AFDN: variants seen among roughly 807,000 people sequenced by gnomAD.
AFDN encodes the protein afadin.
In AFDN, 68 loss-of-function variants were observed where a neutral mutation model predicts 216.6. The observed-to-expected ratio is 0.31, with a 90% confidence interval of 0.26 to 0.38. AFDN has a LOEUF of 0.38. Ranked by LOEUF, AFDN falls within the 10% of genes least tolerant of loss-of-function variation. AFDN has a pLI of 1.00. For synonymous variants in AFDN, 868 were observed against 853.7 expected, an observed-to-expected ratio of 1.02 and a Z score of -0.29; for missense variants, 2,136 against 2,342.0, an observed-to-expected ratio of 0.91 and a Z score of 1.82.
intron 30 of AFDN, among the ~76,000 whole-genome samples, chr6:167,961,481 A>G (rs1562346985): frequency 1.3e-5 from 2 of 152,232 alleles, no homozygotes. Context: ...GGTATTTTCA[A>G]CCTATAGTGC....
intron 19 of AFDN, among the ~76,000 whole-genome samples, chr6:167,915,879 A>T (rs182272494): frequency 5.9e-5 from 9 of 152,358 alleles, no homozygotes; most frequent in Non-Finnish European, 8.8e-5. Flanking sequence ...CAAATTTCAT[A>T]TTTAGACTTG....
intron 1 of AFDN, among the ~76,000 whole-genome samples, chr6:167,861,525 C>G (rs1187642778): frequency 6.6e-6 from 1 of 152,082 alleles, no homozygotes; most frequent in East Asian, 1.9e-4. Context: ...AGGTAAGTAG[C>G]TGGGCCACAT....
chr6:167,827,773 G>A (rs1244968378), intron 1 of AFDN: 1 of 152,156 alleles, frequency 6.6e-6, no homozygotes, highest in East Asian at 1.9e-4. Flanking sequence ...GCTGCCTGAT[G>A]GCACAGGCCC....
chr6:167,944,256 C>T (rs1481059918), intron 26 of AFDN, among the ~76,000 whole-genome samples, 197 bp downstream of exon 26: 1 of 152,162 alleles, frequency 6.6e-6, no homozygotes, highest in Non-Finnish European at 1.5e-5. Context: ...CTGTGAGTCA[C>T]CAGGACCCCT....
At chr6:167,932,493 A>T (rs1054513773) in intron 23 of AFDN, 6 of 152,184 alleles carry the variant, frequency 3.9e-5, no homozygotes, top group African/African-American at 9.7e-5. Flanking sequence ...AGTCTTTTTA[A>T]AGTTTAAAAG....
chr6:167,948,954 G>C (rs776889480), intron 29 of AFDN, among the ~76,000 whole-genome samples: 9 of 152,246 alleles, frequency 5.9e-5, no homozygotes, highest in African/African-American at 1.2e-4. Context: ...GGCCTTCCAG[G>C]AGGAGGGAAA....
chr6:167,965,111 G>A (rs2128757331), intron 31 of AFDN: 2 of 1,002,744 alleles, frequency 2.0e-6, no homozygotes, highest in Admixed American at 1.2e-4. Context: ...ACTATGGAAA[G>A]CATATTTGTT....
At chr6:167,925,152 T>C (rs1440593083) in intron 23 of AFDN, 61 bp downstream of exon 23, 1 of 1,217,540 alleles carries the variant, frequency 8.2e-7, no homozygotes. Flanking sequence ...AATCAGTGGT[T>C]GTCAGAGTGG....
intron 1 of AFDN, among the ~76,000 whole-genome samples, chr6:167,859,088 T>TTTC (rs1336263619): frequency 6.6e-6 from 1 of 151,378 alleles, no homozygotes; most frequent in Non-Finnish European, 1.5e-5. Context: ...TTTTTTTTTT[T>TTTC]TTCTTTTTCA....
At chr6:167,878,884 G>A (rs759185436) in intron 5 of AFDN, among the ~76,000 whole-genome samples, 2 of 152,154 alleles carry the variant, frequency 1.3e-5, no homozygotes, top group African/African-American at 2.4e-5. Context: ...CTTCTGTCTG[G>A]TTGTTCAGGT....
chr6:167,930,724 C>G (rs1302498608), intron 23 of AFDN, among the ~76,000 whole-genome samples: 1 of 152,152 alleles, frequency 6.6e-6, no homozygotes, highest in Non-Finnish European at 1.5e-5. Context: ...TCATGGCAGC[C>G]ACAGGGCAGT....
At chr6:167,890,084 A>T (rs1048845807) in intron 7 of AFDN, among the ~76,000 whole-genome samples, 1 of 152,228 alleles carries the variant, frequency 6.6e-6, no homozygotes, top group African/African-American at 2.4e-5. Flanking sequence ...AATTCACATC[A>T]TAAGTTAACT....
intron 3 of AFDN, among the ~76,000 whole-genome samples, chr6:167,871,532 T>G (rs1029348249): frequency 2.6e-5 from 4 of 152,222 alleles, no homozygotes; most frequent in African/African-American, 9.7e-5. Context: ...CCCATCACAA[T>G]AGCCATTCTT....
At chr6:167,835,715 A>G (rs1456863829) in intron 1 of AFDN, among the ~76,000 whole-genome samples, 1 of 152,224 alleles carries the variant, frequency 6.6e-6, no homozygotes, top group Non-Finnish European at 1.5e-5. Flanking sequence ...TGCTTTGACC[A>G]TTCATGCAAA....
chr6:167,964,382 A>ATTCTTGATAGTTCCAT, intron 31 of AFDN: 1 of 1,064,660 alleles, frequency 9.4e-7, no homozygotes, highest in South Asian at 4.6e-5. Context: ...TAATACTAAG[A>ATTCTTGATAGTTCCAT]TTCTTGATAG....
intron 12 of AFDN, among the ~76,000 whole-genome samples, chr6:167,904,716 T>G (rs1789433683): frequency 6.6e-6 from 1 of 152,182 alleles, no homozygotes; most frequent in Non-Finnish European, 1.5e-5. Flanking sequence ...CTTCCTTCTC[T>G]CAGCCTCTGC....
At chr6:167,904,595 T>G (rs1789413301) in intron 12 of AFDN, among the ~76,000 whole-genome samples, 1 of 152,188 alleles carries the variant, frequency 6.6e-6, no homozygotes, top group Non-Finnish European at 1.5e-5. Flanking sequence ...AAAAGAAGAC[T>G]AGATTTTCTT....
chr6:167,943,877 C>T (rs1582992533), intron 25 of AFDN, 64 bp from the exon 26 acceptor site: 5 of 1,315,978 alleles, frequency 3.8e-6, no homozygotes, highest in South Asian at 3.6e-5. Context: ...ATAATCACAG[C>T]GATTCATGAC....
chr6:167,956,610 A>T (rs968008781), intron 30 of AFDN, among the ~76,000 whole-genome samples: 2 of 152,094 alleles, frequency 1.3e-5, no homozygotes, highest in African/African-American at 4.8e-5. Context: ...GTCAAGTAAG[A>T]CTTTTGGAAT....
Sources: allele counts gnomAD v4.1 joint callset (sites outside exome capture counted in the v4.1 genomes callset), GRCh38; gene constraint gnomAD v4.1.1; transcripts MANE v1.5; gene names NCBI Gene and HGNC (gene_info 2026-07-23, HGNC 2026-07-21).